Variants in PLEKHA7 observed in about 807,000 individuals in gnomAD.
PLEKHA7 encodes pleckstrin homology domain-containing family A member 7.
PLEKHA7 carries 104 observed loss-of-function variants against 170.0 expected under a neutral mutation model. The observed-to-expected ratio is 0.61, with a 90% CI of 0.52 to 0.72. PLEKHA7 has a LOEUF of 0.72. Among genes scored for constraint, PLEKHA7 ranks in the 30% least tolerant of loss-of-function variants. The probability of loss-of-function intolerance (pLI) is 0.00; values close to 1 mark genes in which losing one functional copy is unlikely to be tolerated. For synonymous variants in PLEKHA7, 648 were observed against 660.8 expected (o/e 0.98, Z 0.30); for missense variants, 1,615 against 1,671.7 (o/e 0.97, Z 0.59).
At chr11:16,980,930 G>A (rs545067756) in intron 3 of PLEKHA7, among the ~76,000 whole-genome samples, 1 of 149,400 alleles carries the variant, frequency 6.7e-6, no homozygotes, top group Admixed American at 6.7e-5. Flanking sequence ...AATGATGAAG[G>A]GTCTCACATA....
At position 16,832,906 on chromosome 11, in the gene PLEKHA7, G is replaced by C. The variant is rs142392398; in HGVS notation, c.873-6316C>G. 1.0e-3 allele frequency among the ~76,000 whole-genome samples: 159 copies of C among 152,268 alleles called. 1 individual carries two copies. Among genetic ancestry groups the C allele is most frequent in the African/African-American group, 3.7e-3 (152 of 41,564 alleles). ...CCTGGGTCCTGAGCACTGATCTGCA[G>C]TCTCAGGAATAGGGTGGGCTCAAAA... On this transcript the variant is annotated intron_variant, in intron 9 of 26. Transcript: ENST00000531066.
rs1448748282 is a variant in PLEKHA7, at chr11:16,908,073, G to A, written c.222-36891C>T. Among the ~76,000 whole-genome samples the A allele has an allele frequency of 6.6e-5, 10 of 151,720 alleles. No homozygotes were observed. The South Asian group carries it at 1.3e-3, about 19-fold the overall frequency. ...ACAGATGCTTGAAGGCAGCATGCTC[G>A]TTAAGAGTCATCACCACTCCCTAAT... On this transcript the variant is annotated intron_variant, in intron 3 of 26. Transcript: ENST00000531066.
intron 3 of PLEKHA7, among the ~76,000 whole-genome samples, chr11:16,904,511 T>A (rs1200843017): frequency 1.3e-5 from 2 of 152,176 alleles, no homozygotes; most frequent in Non-Finnish European, 2.9e-5. Context: ...AGCAACCACA[T>A]CATATATAAA....
rs557270034 is a variant in PLEKHA7, at chr11:16,792,619, G to T, written c.2746-1420C>A. Among the ~76,000 whole-genome samples the T allele has an allele frequency of 2.0e-5, 3 of 152,238 alleles. No homozygotes were observed. In the South Asian group the frequency reaches 6.2e-4, roughly 32 times the overall value. ...GCAGACAGGAAGCAGCTTGGCCTGG[G>T]AAAGAACCCACAGGCTTCTGGTTGC... On this transcript the variant is annotated intron_variant, in intron 19 of 26. Transcript: ENST00000531066.
chr11:16,953,420 T>A (rs1467647653), intron 3 of PLEKHA7, among the ~76,000 whole-genome samples: 1 of 152,222 alleles, frequency 6.6e-6, no homozygotes, highest in Non-Finnish European at 1.5e-5. Flanking sequence ...AGTCCTAAGA[T>A]CTTGTGCCAA....
At chr11:16,895,011 T>A (rs114302385) in intron 3 of PLEKHA7, among the ~76,000 whole-genome samples, 2,367 of 152,172 alleles carry the variant, frequency 0.016, 61 homozygotes, top group African/African-American at 0.054. Flanking sequence ...TTTATATAAG[T>A]TTACACAGCT....
chr11:16,908,231 G>A (rs1038842526), intron 3 of PLEKHA7, among the ~76,000 whole-genome samples: 1 of 143,694 alleles, frequency 7.0e-6, no homozygotes, highest in Admixed American at 7.2e-5. Flanking sequence ...ATCCCCCTCT[G>A]CGAGAAACAC....
intron 4 of PLEKHA7, among the ~76,000 whole-genome samples, chr11:16,863,928 G>A (rs1413258733): frequency 2.6e-5 from 4 of 152,204 alleles, no homozygotes; most frequent in Non-Finnish European, 5.9e-5. Context: ...AAAGGTTTGA[G>A]AACATTTTCT....
chr11:16,999,712 C>T (rs1017544438), intron 3 of PLEKHA7, among the ~76,000 whole-genome samples: 2 of 152,178 alleles, frequency 1.3e-5, no homozygotes, highest in African/African-American at 4.8e-5. Context: ...TGCTGAATAG[C>T]ATGGTAGGAG....
intron 3 of PLEKHA7, among the ~76,000 whole-genome samples, chr11:16,913,550 C>T (rs918359982): frequency 2.6e-5 from 4 of 152,208 alleles, no homozygotes; most frequent in Admixed American, 1.3e-4. Flanking sequence ...GCAGACAGTG[C>T]GCAGCTTTGC....
intron 3 of PLEKHA7, among the ~76,000 whole-genome samples, chr11:16,889,420 A>ATAT (rs1554964152): frequency 1.4e-3 from 103 of 74,640 alleles, no homozygotes; most frequent in East Asian, 3.6e-3. Flanking sequence ...AAAAAAAAAA[A>ATAT]ATATATATAT....
intron 15 of PLEKHA7, 83 bp downstream of exon 15, chr11:16,802,889 A>G: frequency 1.7e-6 from 2 of 1,176,868 alleles, no homozygotes; most frequent in Admixed American, 1.7e-5. Context: ...CAATACTAAC[A>G]TGAGGGTCCA....
chr11:16,907,365 C>CG (rs538930307), intron 3 of PLEKHA7, among the ~76,000 whole-genome samples: 13,750 of 132,924 alleles, frequency 0.1, 826 homozygotes, highest in Admixed American at 0.15. Context: ...CCCGGCCAGC[C>CG]GCCCCATCCG....
intron 16 of PLEKHA7, among the ~76,000 whole-genome samples, 189 bp downstream of exon 16, chr11:16,801,479 C>T (rs546504317): frequency 3.0e-4 from 45 of 152,314 alleles, no homozygotes; most frequent in African/African-American, 8.9e-4. Flanking sequence ...CTAAGGCACA[C>T]GTGCAGGCAG....
chr11:16,885,375 G>A (rs1273082870), intron 3 of PLEKHA7, among the ~76,000 whole-genome samples: 1 of 151,198 alleles, frequency 6.6e-6, no homozygotes, highest in Non-Finnish European at 1.5e-5. Context: ...ACTAAAGCAA[G>A]ATGCCAGGTG....
At chr11:16,965,334 A>G (rs1307073165) in intron 3 of PLEKHA7, among the ~76,000 whole-genome samples, 1 of 151,272 alleles carries the variant, frequency 6.6e-6, no homozygotes, top group East Asian at 1.9e-4. Context: ...AAGAAAAAAA[A>G]AGGTTTGAAG....
intron 3 of PLEKHA7, among the ~76,000 whole-genome samples, chr11:16,987,960 C>G (rs971923108): frequency 3.9e-5 from 6 of 152,226 alleles, no homozygotes; most frequent in Admixed American, 3.9e-4. Context: ...TGGGTCACCA[C>G]CACTGGGTGA....
At chr11:16,904,858 C>A (rs887467181) in intron 3 of PLEKHA7, among the ~76,000 whole-genome samples, 3 of 152,082 alleles carry the variant, frequency 2.0e-5, no homozygotes, top group Non-Finnish European at 4.4e-5. Context: ...CTGAAAAAGT[C>A]AAAATCATAT....
intron 3 of PLEKHA7, among the ~76,000 whole-genome samples, chr11:16,889,884 A>T (rs7123174): frequency 0.15 from 22,496 of 152,104 alleles, 1,772 homozygotes; most frequent in African/African-American, 0.17. Flanking sequence ...GAAGGAAAAA[A>T]TTCTAAAAGC....
Sources: allele counts gnomAD v4.1 joint callset (sites outside exome capture counted in the v4.1 genomes callset), GRCh38; gene constraint gnomAD v4.1.1; transcripts MANE v1.5; gene names NCBI Gene and HGNC (gene_info 2026-07-23, HGNC 2026-07-21).